Variants in CATSPERB observed in about 807,000 individuals in gnomAD.
CATSPERB encodes the protein cation channel sperm-associated auxiliary subunit beta.
In CATSPERB, 93 loss-of-function variants were observed where a neutral mutation model predicts 128.3. The observed-to-expected ratio is 0.72, with a 90% CI of 0.61 to 0.86. The LOEUF is 0.86. Among genes scored for constraint, CATSPERB ranks in the 40% least tolerant of loss-of-function variants. The pLI is 0.00. For missense variants in CATSPERB, 1,153 were observed against 1,329.5 expected, an observed-to-expected ratio of 0.87 and a Z score of 2.06; for synonymous variants, 381 against 448.8, an observed-to-expected ratio of 0.85 and a Z score of 1.91.
At chr14:91,586,571 A>AGAAAGAGAGAGAGAG (rs374162982) in intron 26 of CATSPERB, among the ~76,000 whole-genome samples, 10 of 114,192 alleles carry the variant, frequency 8.8e-5, no homozygotes, top group African/African-American at 3.6e-4. Flanking sequence ...GAGAGAGAGA[A>AGAAAGAGAGAGAGAG]AGAGAGAGAG....
At position 91,639,154 on chromosome 14, in the gene CATSPERB, C is replaced by T. The variant is rs372194395; in HGVS notation, c.1529G>A (p.Arg510His). The change falls in exon 16 of 27, where the codon CGC becomes CAC. Residue 510 changes from arginine to histidine, a missense_variant. Coordinates refer to ENST00000256343, the MANE Select transcript of CATSPERB (RefSeq NM_024764.4). ...LGFLHKLTLG[R>H]FEASGPPTAF... Reference sequence around the variant, plus strand: ...TGTGGGTGGTCCACTAGCTTCAAAGCGACCCAGAGTCAGCTTATGTAGGAA... The same window carrying T: ...TGTGGGTGGTCCACTAGCTTCAAAGTGACCCAGAGTCAGCTTATGTAGGAA... The T allele has an allele frequency of 1.2e-5, 19 of 1,613,882 alleles. No individual in the cohort carries two copies. Among genetic ancestry groups the T allele is most frequent in the Admixed American group, 8.3e-5 (5 of 59,970 alleles).
intron 6 of CATSPERB, among the ~76,000 whole-genome samples, chr14:91,705,898 G>A (rs1012777338): frequency 2.0e-5 from 3 of 152,116 alleles, no homozygotes; most frequent in African/African-American, 7.2e-5. Context: ...GCAAAGGATT[G>A]GAGCTAAAGT....
chr14:91,659,030 A>G (rs1342780272), intron 15 of CATSPERB, among the ~76,000 whole-genome samples: 1 of 152,078 alleles, frequency 6.6e-6, no homozygotes, highest in Non-Finnish European at 1.5e-5. Flanking sequence ...GTCAATCAAT[A>G]TTAACTGTTT....
intron 7 of CATSPERB, among the ~76,000 whole-genome samples, chr14:91,703,294 C>T (rs764185317): frequency 1.3e-5 from 2 of 152,034 alleles, no homozygotes; most frequent in African/African-American, 2.4e-5. Context: ...ATTTGGTTTT[C>T]GTCCCTGGCT....
At chr14:91,589,165 A>G (rs1457244350) in intron 24 of CATSPERB, among the ~76,000 whole-genome samples, 1 of 152,260 alleles carries the variant, frequency 6.6e-6, no homozygotes, top group Non-Finnish European at 1.5e-5. Context: ...GATCCTAAAG[A>G]TTATCTGGCC....
intron 7 of CATSPERB, among the ~76,000 whole-genome samples, chr14:91,701,654 G>T (rs1242288990): frequency 6.6e-6 from 1 of 152,104 alleles, no homozygotes; most frequent in Non-Finnish European, 1.5e-5. Flanking sequence ...AGGAAAGGGG[G>T]TAATAAGTCC....
chr14:91,707,632 T>A (rs1895756747), intron 6 of CATSPERB, among the ~76,000 whole-genome samples: 2 of 136,754 alleles, frequency 1.5e-5, no homozygotes, highest in Admixed American at 7.7e-5. Context: ...ACAGTCTCAC[T>A]CTGTTGCCCA....
intron 15 of CATSPERB, among the ~76,000 whole-genome samples, chr14:91,654,681 T>C (rs1358812471): frequency 6.6e-6 from 1 of 152,220 alleles, no homozygotes; most frequent in Admixed American, 6.5e-5. Context: ...GGCAACTCAC[T>C]GCCCTGAAGG....
chr14:91,660,127 C>G, intron 14 of CATSPERB, 146 bp from the exon 15 acceptor site: 1 of 617,582 alleles, frequency 1.6e-6, no homozygotes, highest in East Asian at 2.8e-5. Flanking sequence ...CACACACACA[C>G]ACACACACAC....
intron 5 of CATSPERB, among the ~76,000 whole-genome samples, chr14:91,711,975 T>C (rs1411217976): frequency 6.6e-6 from 1 of 152,184 alleles, no homozygotes; most frequent in Non-Finnish European, 1.5e-5. Flanking sequence ...AAAAACCATG[T>C]ATCAAAGAGA....
intron 17 of CATSPERB, among the ~76,000 whole-genome samples, chr14:91,626,236 G>A (rs1350539064): frequency 2.0e-5 from 3 of 152,018 alleles, no homozygotes; most frequent in Non-Finnish European, 4.4e-5. Context: ...CTTGGGTATG[G>A]CAATTACTTT....
Position 91,624,351 on chromosome 14 carries a change from G to T in CATSPERB, c.1930+469C>A, listed in dbSNP as rs1049724322. ...CAAAAGAGATTAGCTGGGCGTGGCA[G>T]CATGCGCCTGCAATCCCAGCTACTC... On this transcript the variant is annotated intron_variant, in intron 18 of 26. Transcript: ENST00000256343. 2.0e-5 allele frequency among the ~76,000 whole-genome samples: 3 copies of T among 152,328 alleles called. No individual in the cohort carries two copies. The South Asian group carries it at 6.2e-4, about 32-fold the overall frequency.
At chr14:91,703,551 A>G (rs570159775) in intron 7 of CATSPERB, among the ~76,000 whole-genome samples, 65 of 152,334 alleles carry the variant, frequency 4.3e-4, no homozygotes, top group African/African-American at 1.4e-3. Context: ...TAGAGCCTTC[A>G]GCCCCACAGT....
chr14:91,713,605 TG>T (rs765231653), intron 5 of CATSPERB, among the ~76,000 whole-genome samples: 2 of 152,156 alleles, frequency 1.3e-5, no homozygotes, highest in Non-Finnish European at 2.9e-5. Flanking sequence ...AGACACAAAC[TG>T]TCAAAGCTCA....
intron 1 of CATSPERB, among the ~76,000 whole-genome samples, chr14:91,730,525 A>G (rs190086899): frequency 3.5e-3 from 535 of 152,308 alleles, no homozygotes; most frequent in Admixed American, 7.4e-3. Flanking sequence ...CACAGCATCC[A>G]TGATGAATTT....
At chr14:91,595,647 A>C (rs947195955) in intron 22 of CATSPERB, among the ~76,000 whole-genome samples, 1 of 152,188 alleles carries the variant, frequency 6.6e-6, no homozygotes, top group Admixed American at 6.5e-5. Flanking sequence ...CTGTGTACAC[A>C]AAATATGAGG....
chr14:91,719,313 T>G (rs1016389122), intron 5 of CATSPERB, 105 bp downstream of exon 5: 7 of 760,436 alleles, frequency 9.2e-6, no homozygotes, highest in African/African-American at 1.8e-5. Flanking sequence ...CATGGGGGAT[T>G]TACATGACAT....
At chr14:91,586,444 T>G (rs1257370961) in intron 26 of CATSPERB, among the ~76,000 whole-genome samples, 1 of 152,122 alleles carries the variant, frequency 6.6e-6, no homozygotes, top group Non-Finnish European at 1.5e-5. Flanking sequence ...GGGTTGAATT[T>G]TTCTCTCAGG....
At chr14:91,700,734 C>A (rs1321747065) in intron 7 of CATSPERB, among the ~76,000 whole-genome samples, 2 of 152,098 alleles carry the variant, frequency 1.3e-5, no homozygotes, top group Non-Finnish European at 2.9e-5. Flanking sequence ...CAACAGAAAA[C>A]CAAATACCAT....
Sources: gnomAD v4.1 joint callset for allele counts (sites outside exome capture counted in the v4.1 genomes callset) on GRCh38, gnomAD v4.1.1 for gene constraint, MANE v1.5 for transcripts, NCBI Gene and HGNC (gene_info 2026-07-23, HGNC 2026-07-21) for gene names.